FAM135B: variants seen among roughly 807,000 people sequenced by gnomAD.
FAM135B encodes protein FAM135B.
In FAM135B, 43 loss-of-function variants were observed where a neutral mutation model predicts 127.7. The ratio of observed to expected loss-of-function variants is 0.34; its 90% CI spans 0.26 to 0.43. FAM135B has a LOEUF of 0.43. FAM135B is among the 20% of genes least tolerant of loss of function. The probability of loss-of-function intolerance (pLI) is 1.00; values close to 1 mark genes in which losing one functional copy is unlikely to be tolerated. For synonymous variants in FAM135B, 670 were observed against 665.1 expected, an observed-to-expected ratio of 1.01 and a Z score of -0.11; for missense variants, 1,558 against 1,725.6, an observed-to-expected ratio of 0.90 and a Z score of 1.72.
chr8:138,159,257 C>T lies in FAM135B; in HGVS notation c.1259-6041G>A, dbSNP rs183498974. Among the ~76,000 whole-genome samples the T allele has an allele frequency of 2.5e-3, 236 of 93,666 alleles. 1 individual carries two copies. The highest frequency in any genetic ancestry group is 7.9e-3 in the African/African-American group (195 of 24,674). 61.4% of individuals were successfully genotyped at this position (93,666 alleles called of 152,430 possible). Reference sequence around the variant, plus strand: ...ACTGCAGTCTGCAGTCCGGCCTGGGCGACAGAGCGAGACTCCGTCTCAAAA... The same window carrying T: ...ACTGCAGTCTGCAGTCCGGCCTGGGTGACAGAGCGAGACTCCGTCTCAAAA... On this transcript the variant is annotated intron_variant, in intron 12 of 19. Transcript: ENST00000395297.
intron 2 of FAM135B, among the ~76,000 whole-genome samples, chr8:138,318,953 G>A (rs1827265223): frequency 1.3e-5 from 2 of 152,150 alleles, no homozygotes; most frequent in Admixed American, 1.3e-4. Context: ...CATATATGAT[G>A]TGCAAGATAC....
At position 138,137,156 on chromosome 8, in the gene FAM135B, T is replaced by G; in HGVS notation, c.4006A>C (p.Arg1336=). Residue 1336 remains arginine (R), a synonymous_variant, in exon 19 of 20, where the codon AGA becomes CGA. Transcript: ENST00000395297. ...IEMCKTALKD[R]HTGPVYAEMI... Reference sequence around the variant, plus strand: ...ATTAAATGTAGCTTACCTGTGTGTCTGTCTTTGAGGGCAGTTTTACACATT... The same window carrying G: ...ATTAAATGTAGCTTACCTGTGTGTCGGTCTTTGAGGGCAGTTTTACACATT... 1 of 1,532,936 alleles carries G rather than the reference T, an allele frequency of 6.5e-7. No homozygotes were observed. Among genetic ancestry groups the G allele is most frequent in the Non-Finnish European group, 9.0e-7 (1 of 1,105,688 alleles). The allele number at this position is 1,532,936 out of a possible 1,614,324, so 95.0% of individuals were successfully genotyped here. A position where few individuals can be genotyped will look rare whatever the true frequency, so the allele number is the denominator to read the frequency against.
chr8:138,429,143 G>A (rs1434848548), intron 1 of FAM135B, among the ~76,000 whole-genome samples: 1 of 152,148 alleles, frequency 6.6e-6, no homozygotes, highest in African/African-American at 2.4e-5. Flanking sequence ...GGATCTAGTT[G>A]ATGAGGTCTG....
At chr8:138,249,447 G>A (rs945186752) in intron 6 of FAM135B, among the ~76,000 whole-genome samples, 4 of 152,140 alleles carry the variant, frequency 2.6e-5, no homozygotes, top group African/African-American at 7.2e-5. Flanking sequence ...AGGGAAAGAT[G>A]TATTCCACAG....
intron 7 of FAM135B, among the ~76,000 whole-genome samples, chr8:138,222,845 C>T (rs1176353698): frequency 6.6e-6 from 1 of 152,074 alleles, no homozygotes; most frequent in Non-Finnish European, 1.5e-5. Context: ...TCAAGAAGGA[C>T]AACTGTGAGT....
At chr8:138,245,039 C>G (rs907807216) in intron 6 of FAM135B, among the ~76,000 whole-genome samples, 1 of 152,132 alleles carries the variant, frequency 6.6e-6, no homozygotes, top group Non-Finnish European at 1.5e-5. Flanking sequence ...CCCTTTGTTT[C>G]CAGCTGCTGT....
At chr8:138,358,957 C>T (rs766602677) in intron 2 of FAM135B, among the ~76,000 whole-genome samples, 1 of 152,028 alleles carries the variant, frequency 6.6e-6, no homozygotes, top group Non-Finnish European at 1.5e-5. Context: ...CTGAGCCTGT[C>T]CTCAGCCAGG....
chr8:138,494,425 G>A (rs6988975), intron 1 of FAM135B, among the ~76,000 whole-genome samples: 25,185 of 152,194 alleles, frequency 0.17, 4,464 homozygotes, highest in African/African-American at 0.44. Context: ...GTGTGCAAGC[G>A]ATGACACAGC....
chr8:138,206,284 C>CCCACA (rs1563768566), intron 7 of FAM135B, among the ~76,000 whole-genome samples: 1 of 57,714 alleles, frequency 1.7e-5, no homozygotes, highest in Non-Finnish European at 4.0e-5. Flanking sequence ...CCTCCACCTA[C>CCCACA]GCACAGCTCT....
At chr8:138,195,575 T>A (rs762292205) in intron 8 of FAM135B, among the ~76,000 whole-genome samples, 1 of 152,094 alleles carries the variant, frequency 6.6e-6, no homozygotes, top group East Asian at 1.9e-4. Context: ...ACATCCCAAA[T>A]TCATACAGCA....
At chr8:138,399,931 T>G (rs1170526185) in intron 1 of FAM135B, among the ~76,000 whole-genome samples, 1 of 152,186 alleles carries the variant, frequency 6.6e-6, no homozygotes, top group Non-Finnish European at 1.5e-5. Flanking sequence ...TTACCTGGCC[T>G]TGTAGGAAGA....
chr8:138,144,542 T>C (rs1191577772), intron 15 of FAM135B, among the ~76,000 whole-genome samples: 1 of 152,226 alleles, frequency 6.6e-6, no homozygotes, highest in Non-Finnish European at 1.5e-5. Context: ...GTGGCTATAA[T>C]TATGAGGCCT....
chr8:138,420,750 C>T (rs1405832319), intron 1 of FAM135B, among the ~76,000 whole-genome samples: 1 of 152,018 alleles, frequency 6.6e-6, no homozygotes, highest in Non-Finnish European at 1.5e-5. Context: ...AACACATGAT[C>T]ATCTCAATAG....
rs746466160 is a variant in FAM135B at position 138,243,061 on chromosome 8, G to A, written c.550C>T (p.Arg184Cys). 2.6e-5 allele frequency: 41 copies of A among 1,607,246 alleles called. No individual in the cohort carries two copies. In the Admixed American group the frequency reaches 5.0e-4, roughly 20 times the overall value. Reference sequence around the variant, plus strand: ...CCAAGCCAGGAGCCTCTTCCTGGACGAGTAAAACTAAACAAAAGATAATTG... The same window carrying A: ...CCAAGCCAGGAGCCTCTTCCTGGACAAGTAAAACTAAACAAAAGATAATTG... ...ALQQPLISFT[R>C]PGRGSWLGKG... is the part of the protein sequence containing the mutation. The change falls in exon 7 of 20, where the codon CGT (arginine) becomes TGT (cysteine). Residue 184 changes from arginine to cysteine, a missense_variant. Physicochemically the swap from Arg to Cys is radical, Grantham distance 180. This residue lies in a region of FAM135B where 199 missense variants were observed against 245.7 expected (regional missense o/e 0.81). Transcript: ENST00000395297. The surrounding 1 kb of genome is among the most constrained non-coding windows in gnomAD (Gnocchi z 7.5).
At position 138,132,045 on chromosome 8, in the gene FAM135B, C is replaced by A. The variant is rs1045832469; in HGVS notation, c.*548G>T. The A allele has an allele frequency of 1.3e-5, 2 of 154,064 alleles. No individual in the cohort carries two copies. Among genetic ancestry groups the A allele is most frequent in the African/African-American group, 4.8e-5 (2 of 41,442 alleles). The allele number at this position is 154,064 out of a possible 1,614,324, so 9.5% of individuals were successfully genotyped here. On this transcript the variant is annotated 3_prime_UTR_variant, in exon 20 of 20. Transcript: ENST00000395297. The surrounding 1 kb of genome is among the most constrained non-coding windows in gnomAD (Gnocchi z 4.5). ...GGGATTTGTAACACATTCCTTGCTC[C>A]CTTGTTTAGAAAACATGAGGAGAGA... is the stretch of plus-strand genomic sequence containing the variant.
At chr8:138,328,189 T>C (rs1827937829) in intron 2 of FAM135B, among the ~76,000 whole-genome samples, 1 of 152,140 alleles carries the variant, frequency 6.6e-6, no homozygotes, top group Non-Finnish European at 1.5e-5. Flanking sequence ...AGAAATTTTG[T>C]GCATGTTGCA....
At chr8:138,486,463 T>C (rs989117085) in intron 1 of FAM135B, among the ~76,000 whole-genome samples, 3 of 152,176 alleles carry the variant, frequency 2.0e-5, no homozygotes, top group African/African-American at 7.2e-5. Flanking sequence ...GCTGGCACTC[T>C]ATCACCCAGT....
At position 138,315,204 on chromosome 8, in the gene FAM135B, G is replaced by A. The variant is rs146656998; in HGVS notation, c.78-4284C>T. Among the ~76,000 whole-genome samples the A allele has an allele frequency of 3.2e-3, 483 of 152,074 alleles. 2 individuals are homozygous for A. The highest frequency in any genetic ancestry group is 0.031 in the Middle Eastern group (9 of 294). On this transcript the variant is annotated intron_variant, in intron 2 of 19. Transcript: ENST00000395297. ...AAGAAAACATTCAAATTACCAACAC[G>A]TTTGTGAAAAAGTACTCAATGTTAC...
At chr8:138,378,042 C>T (rs187120101) in intron 1 of FAM135B, among the ~76,000 whole-genome samples, 144 of 152,324 alleles carry the variant, frequency 9.5e-4, no homozygotes, top group Middle Eastern at 3.4e-3. Flanking sequence ...ATTTGACTCC[C>T]AATCTTGGGT....
Sources: allele counts gnomAD v4.1 joint callset (sites outside exome capture counted in the v4.1 genomes callset), GRCh38; gene constraint gnomAD v4.1.1; regional missense constraint gnomAD v4.1.1; non-coding constraint Gnocchi (gnomAD v3.1); transcripts MANE v1.5; gene names NCBI Gene and HGNC (gene_info 2026-07-23, HGNC 2026-07-21).